Variants in TMEM245 observed in about 807,000 individuals in gnomAD.
The protein encoded by TMEM245 is protein CG-2.
In TMEM245, 69 loss-of-function variants were observed where a neutral mutation model predicts 101.2. That is an observed-to-expected ratio of 0.68 (90% CI 0.56 to 0.83). TMEM245 has a LOEUF of 0.83. TMEM245 is among the 40% of genes least tolerant of loss of function. The pLI, the probability that TMEM245 is intolerant of heterozygous loss-of-function variation, is 0.00. For synonymous variants in TMEM245, 537 were observed against 449.8 expected (o/e 1.19, Z -2.45); for missense variants, 1,075 against 1,092.8 (o/e 0.98, Z 0.23).
At chr9:109,029,614 C>T (rs1201865473) in intron 17 of TMEM245, among the ~76,000 whole-genome samples, 3 of 152,028 alleles carry the variant, frequency 2.0e-5, no homozygotes, top group Non-Finnish European at 4.4e-5. Flanking sequence ...CATATTTTCC[C>T]GAAAATCTAT....
At chr9:109,042,390 G>C (rs968058664) in intron 14 of TMEM245, 38 of 151,766 alleles carry the variant, frequency 2.5e-4, no homozygotes, top group African/African-American at 8.5e-4. Flanking sequence ...TTTTTTTTTA[G>C]GCTAGCCAAG....
intron 1 of TMEM245, among the ~76,000 whole-genome samples, chr9:109,114,905 C>T (rs1830672246): frequency 6.6e-6 from 1 of 152,142 alleles, no homozygotes; most frequent in Non-Finnish European, 1.5e-5. Flanking sequence ...AATCTCCTAA[C>T]ATATTTGAAA....
At chr9:109,033,200 C>T in intron 17 of TMEM245, 107 bp downstream of exon 17, 2 of 1,237,870 alleles carry the variant, frequency 1.6e-6, no homozygotes, top group South Asian at 3.8e-5. Flanking sequence ...AGCATTGGTA[C>T]TCAAATACCT....
chr9:109,108,641 G>T (rs945287991), intron 1 of TMEM245, 71 bp from the exon 2 acceptor site: 3 of 1,148,430 alleles, frequency 2.6e-6, no homozygotes, highest in African/African-American at 1.5e-5. Context: ...TACAAAATCT[G>T]TAAGTGTCTA....
At chr9:109,106,756 T>C in intron 2 of TMEM245, 147 bp from the exon 3 acceptor site, 2 of 587,190 alleles carry the variant, frequency 3.4e-6, no homozygotes, top group Non-Finnish European at 5.9e-6. Flanking sequence ...AAAATTTAAG[T>C]CCATTAGATA....
chr9:109,042,702 T>C (rs1393879926), intron 14 of TMEM245, among the ~76,000 whole-genome samples: 3 of 152,072 alleles, frequency 2.0e-5, no homozygotes, highest in Non-Finnish European at 4.4e-5. Flanking sequence ...CATTTTAATG[T>C]ATACAATTCA....
At chr9:109,115,369 A>C (rs1830692300) in intron 1 of TMEM245, among the ~76,000 whole-genome samples, 1 of 151,854 alleles carries the variant, frequency 6.6e-6, no homozygotes. Context: ...AAAAAGAAAA[A>C]CATAGGTCCC....
At chr9:109,112,098 C>T (rs1343725316) in intron 1 of TMEM245, among the ~76,000 whole-genome samples, 1 of 152,024 alleles carries the variant, frequency 6.6e-6, no homozygotes, top group Admixed American at 6.5e-5. Context: ...TTATATTAAG[C>T]CCATTATGAT....
chr9:109,056,266 C>T (rs1018378300), intron 12 of TMEM245, among the ~76,000 whole-genome samples: 1 of 151,918 alleles, frequency 6.6e-6, no homozygotes, highest in East Asian at 1.9e-4. Flanking sequence ...AGCGTTGCTG[C>T]CTTTTCAGTT....
chr9:109,090,628 G>C (rs999815693), intron 5 of TMEM245, among the ~76,000 whole-genome samples: 2 of 151,624 alleles, frequency 1.3e-5, no homozygotes, highest in Non-Finnish European at 2.9e-5. Context: ...GGAGGCTGAG[G>C]CAGGAGAATG....
intron 9 of TMEM245, among the ~76,000 whole-genome samples, chr9:109,070,305 A>G (rs1322909541): frequency 6.6e-6 from 1 of 152,146 alleles, no homozygotes; most frequent in Non-Finnish European, 1.5e-5. Flanking sequence ...TACAACAGTC[A>G]CCTCAAACTC....
intron 17 of TMEM245, among the ~76,000 whole-genome samples, chr9:109,030,919 T>G (rs1827926074): frequency 6.6e-6 from 1 of 152,152 alleles, no homozygotes; most frequent in Non-Finnish European, 1.5e-5. Context: ...TGTTAAAGAA[T>G]TTTACATAAA....
intron 1 of TMEM245, among the ~76,000 whole-genome samples, chr9:109,114,741 G>A (rs144081617): frequency 0.011 from 1,750 of 152,306 alleles, 13 homozygotes; most frequent in South Asian, 0.031. Flanking sequence ...CCCCAACAGA[G>A]AGGAATGGTG....
At chr9:109,073,232 C>T in intron 9 of TMEM245, 124 bp downstream of exon 9, 1 of 732,872 alleles carries the variant, frequency 1.4e-6, no homozygotes, top group East Asian at 2.5e-5. Context: ...CAATATTTAT[C>T]AAAGCTCTGG....
intron 9 of TMEM245, among the ~76,000 whole-genome samples, chr9:109,065,664 A>C (rs1829147333): frequency 6.6e-6 from 1 of 152,124 alleles, no homozygotes; most frequent in African/African-American, 2.4e-5. Flanking sequence ...ACACAATCCT[A>C]ATGTTTTCCA....
chr9:109,042,155 A>C (rs1182120544), intron 14 of TMEM245, among the ~76,000 whole-genome samples: 1 of 152,170 alleles, frequency 6.6e-6, no homozygotes, highest in East Asian at 1.9e-4. Flanking sequence ...TAAAATAACC[A>C]AACCAAAACT....
At position 109,050,616 on chromosome 9, in the gene TMEM245, A is replaced by C; in HGVS notation, c.1931T>G (p.Ile644Ser). 1 of 1,613,852 alleles carries C rather than the reference A, an allele frequency of 6.2e-7. No homozygotes were observed. The highest frequency in any genetic ancestry group is 8.5e-7 in the Non-Finnish European group (1 of 1,179,964). ...AAGGGCTGTCCCGCTGTAGAAGAGG[A>C]TGGTCAAGAGTGTAGTGACAGTGGT... Reference protein sequence around the residue: ...LFTTVTTLLTILFYSGTALLN... With the variant: ...LFTTVTTLLTSLFYSGTALLN... Residue 644 changes from isoleucine to serine, a missense_variant, in exon 13 of 18, where the codon ATC becomes AGC. By Grantham distance (142) the Ile-to-Ser change is moderately radical. Coordinates refer to ENST00000374586, the MANE Select transcript of TMEM245 (RefSeq NM_032012.4).
chr9:109,057,438 A>G, intron 11 of TMEM245, 116 bp from the exon 12 acceptor site: 3 of 1,214,022 alleles, frequency 2.5e-6, no homozygotes, highest in Admixed American at 2.6e-5. Context: ...ACTCCAAGGA[A>G]AAGAACTTTG....
chr9:109,094,893 C>G (rs1206302893), intron 3 of TMEM245, among the ~76,000 whole-genome samples: 1 of 152,142 alleles, frequency 6.6e-6, no homozygotes, highest in Non-Finnish European at 1.5e-5. Flanking sequence ...CATGATCCTT[C>G]AGAAAGCCGA....
Sources: gnomAD v4.1 joint callset for allele counts (sites outside exome capture counted in the v4.1 genomes callset) on GRCh38, gnomAD v4.1.1 for gene constraint, MANE v1.5 for transcripts, NCBI Gene and HGNC (gene_info 2026-07-23, HGNC 2026-07-21) for gene names.